The following ADCY8 variants were observed in gnomAD, a reference collection of about 807,000 sequenced individuals.
The protein encoded by ADCY8 is adenylate cyclase type 8.
Under a neutral mutation model 119.7 loss-of-function variants are expected in ADCY8, and 51 were observed. The ratio of observed to expected loss-of-function variants is 0.43; its 90% confidence interval spans 0.34 to 0.54. The LOEUF (loss-of-function observed/expected upper bound fraction) is 0.54. ADCY8 is among the 20% of genes least tolerant of loss of function. The probability of loss-of-function intolerance (pLI) is 0.03; values close to 1 mark genes in which losing one functional copy is unlikely to be tolerated. For synonymous variants in ADCY8, 665 were observed against 651.0 expected (o/e 1.02, Z -0.33); for missense variants, 1,383 against 1,598.8 (o/e 0.87, Z 2.30).
chr8:130,883,725 C>T (rs1818868416), intron 8 of ADCY8, among the ~76,000 whole-genome samples: 1 of 152,160 alleles, frequency 6.6e-6, no homozygotes, highest in African/African-American at 2.4e-5. Context: ...CAAGGAAGGT[C>T]TGTCAGCTTC....
chr8:130,872,185 A>G (rs1586512133), intron 8 of ADCY8, among the ~76,000 whole-genome samples: 1 of 152,302 alleles, frequency 6.6e-6, no homozygotes, highest in African/African-American at 2.4e-5. Context: ...AAAATCTAGG[A>G]TAAGGAATTT....
At chr8:130,911,278 A>T (rs540857091) in intron 5 of ADCY8, among the ~76,000 whole-genome samples, 1 of 152,334 alleles carries the variant, frequency 6.6e-6, no homozygotes, top group East Asian at 1.9e-4. Flanking sequence ...AACCAAAGTT[A>T]TGTTATATCA....
At chr8:130,994,658 A>G (rs1416208897) in intron 1 of ADCY8, among the ~76,000 whole-genome samples, 1 of 152,072 alleles carries the variant, frequency 6.6e-6, no homozygotes, top group Admixed American at 6.6e-5. Flanking sequence ...ATTTTGAAAA[A>G]TCTCTCGTAT....
At chr8:130,923,419 G>T (rs1820374153) in intron 5 of ADCY8, among the ~76,000 whole-genome samples, 2 of 152,304 alleles carry the variant, frequency 1.3e-5, no homozygotes, top group African/African-American at 4.8e-5. Flanking sequence ...GCTTGGCAGG[G>T]TGACCCTGCC....
In ADCY8 at chr8:130,903,838, C is replaced by A; in HGVS notation, c.1845G>T (p.Gly615=). The A allele has an allele frequency of 1.9e-6, 3 of 1,613,766 alleles. No individual in the cohort carries two copies. The highest frequency in any genetic ancestry group is 2.5e-6 in the Non-Finnish European group (3 of 1,179,994). ...TCCAGGATCCTTCAGTGAATGTGGC[C>A]CCACTGTTTCTCCGGTCTGAGGAGC... ...SVSSSDRRNS[G]ATFTEGSWSP... The change falls in exon 7 of 18, where the codon GGG becomes GGT. Residue 615 remains glycine, a synonymous_variant. Coordinates refer to ENST00000286355, the MANE Select transcript of ADCY8 (RefSeq NM_001115.3).
intron 7 of ADCY8, among the ~76,000 whole-genome samples, chr8:130,889,626 T>C (rs773979469): frequency 2.0e-5 from 3 of 152,208 alleles, no homozygotes; most frequent in Admixed American, 1.3e-4. Flanking sequence ...TGCTTTCCAG[T>C]GTCCTTAGCT....
intron 2 of ADCY8, among the ~76,000 whole-genome samples, chr8:130,984,204 C>A (rs1244593627): frequency 6.6e-6 from 1 of 151,952 alleles, no homozygotes; most frequent in Non-Finnish European, 1.5e-5. Flanking sequence ...CAGGAGCCTG[C>A]ATGAGTGGGC....
chr8:130,932,058 T>C (rs1820646152), intron 5 of ADCY8, among the ~76,000 whole-genome samples: 1 of 152,124 alleles, frequency 6.6e-6, no homozygotes, highest in Non-Finnish European at 1.5e-5. Context: ...AGTAAGTCCT[T>C]ATTATAGTCT....
chr8:130,874,982 G>A (rs553143207), intron 8 of ADCY8, among the ~76,000 whole-genome samples: 3 of 152,256 alleles, frequency 2.0e-5, no homozygotes, highest in Admixed American at 2.0e-4. Flanking sequence ...AATTGCTTCA[G>A]TGACCAGGTC....
intron 4 of ADCY8, among the ~76,000 whole-genome samples, chr8:130,940,540 A>G (rs1177021077): frequency 6.6e-6 from 1 of 151,982 alleles, no homozygotes; most frequent in African/African-American, 2.4e-5. Context: ...TGTAATATAT[A>G]TAATACATTA....
intron 9 of ADCY8, among the ~76,000 whole-genome samples, chr8:130,852,707 T>C (rs1817573322): frequency 1.3e-5 from 2 of 151,860 alleles, no homozygotes. Flanking sequence ...CTTGAGTGTC[T>C]GCTCTTGGCT....
At chr8:130,993,063 A>G (rs1822651228) in intron 1 of ADCY8, among the ~76,000 whole-genome samples, 1 of 152,174 alleles carries the variant, frequency 6.6e-6, no homozygotes, top group South Asian at 2.1e-4. Context: ...CATTAGATAA[A>G]AAGAAATATT....
At chr8:130,783,872 G>T in intron 16 of ADCY8, 67 bp from the exon 17 acceptor site, 1 of 1,325,896 alleles carries the variant, frequency 7.5e-7, no homozygotes, top group Non-Finnish European at 1.1e-6. Flanking sequence ...CATTTCTGCA[G>T]CAGGGGCTTT....
Position 130,867,959 on chromosome 8 carries a change from A to C in ADCY8, c.2110-13T>G. 1 of 1,581,796 alleles carries C rather than the reference A, an allele frequency of 6.3e-7. No individual in the cohort carries two copies. Among genetic ancestry groups the C allele is most frequent in the Non-Finnish European group, 8.7e-7 (1 of 1,154,690 alleles). On this transcript the variant is annotated splice_polypyrimidine_tract_variant and intron_variant, in intron 8 of 17. Transcript: ENST00000286355. ...TCATTTGAGAATACTGTAATTAAAA[A>C]AAGAGAGAATGAGTTACTTTGCAGC...
At chr8:130,858,195 T>C (rs1012307484) in intron 9 of ADCY8, among the ~76,000 whole-genome samples, 6 of 152,150 alleles carry the variant, frequency 3.9e-5, no homozygotes, top group African/African-American at 1.4e-4. Flanking sequence ...AAAACAGATA[T>C]GTTACTTCAA....
chr8:131,003,099 G>A (rs940655314), intron 1 of ADCY8, among the ~76,000 whole-genome samples: 3 of 151,990 alleles, frequency 2.0e-5, no homozygotes, highest in Non-Finnish European at 4.4e-5. Flanking sequence ...TACTTGGGAG[G>A]TGGAGGCAGG....
chr8:130,992,430 T>TATATATATATATA (rs1822623634), intron 1 of ADCY8, among the ~76,000 whole-genome samples: 12 of 49,468 alleles, frequency 2.4e-4, no homozygotes, highest in South Asian at 7.8e-4. Context: ...TATATATATA[T>TATATATATATATA]TTGAGATAGG....
chr8:130,780,715 C>T lies in ADCY8; in HGVS notation c.3431G>A (p.Gly1144Asp), dbSNP rs552573449. 2 of 1,614,224 alleles carry T rather than the reference C, an allele frequency of 1.2e-6. No homozygotes were observed. The highest frequency in any genetic ancestry group is 1.7e-5 in the Admixed American group (1 of 60,020). The stretch of plus-strand genomic sequence containing the variant: ...CTCCCCTCGGTAATCAAAGGCAAAG[C>T]CCTGGTCCTTCAGGATGAGATAGGT... ...EETYLILKDQGFAFDYRGEIY... is the reference protein window; with the variant it reads ...EETYLILKDQDFAFDYRGEIY... The change falls in exon 18 of 18, where the codon GGC becomes GAC. Residue 1144 changes from glycine (G) to aspartate (D), a missense_variant. Transcript: ENST00000286355.
At chr8:131,032,035 C>T (rs993090502) in intron 1 of ADCY8, among the ~76,000 whole-genome samples, 5 of 152,148 alleles carry the variant, frequency 3.3e-5, no homozygotes, top group African/African-American at 1.2e-4. Context: ...TTACTCCAGT[C>T]AACTGAAAAA....
Sources: gnomAD v4.1 joint callset for allele counts (sites outside exome capture counted in the v4.1 genomes callset) on GRCh38, gnomAD v4.1.1 for gene constraint, MANE v1.5 for transcripts, NCBI Gene and HGNC (gene_info 2026-07-23, HGNC 2026-07-21) for gene names.